The following SORCS3 variants were observed in gnomAD, a reference collection of about 807,000 sequenced individuals.
SORCS3 encodes sortilin related VPS10 domain containing receptor 3.
In SORCS3, 57 loss-of-function variants were observed where a neutral mutation model predicts 146.3. The observed-to-expected ratio is 0.39, with a 90% CI of 0.31 to 0.49. SORCS3 has a LOEUF of 0.49. Ranked by LOEUF, SORCS3 falls within the 20% of genes least tolerant of loss-of-function variation. SORCS3 has a pLI of 0.92. For synonymous variants in SORCS3, 653 were observed against 618.5 expected, an observed-to-expected ratio of 1.06 and a Z score of -0.83; for missense variants, 1,341 against 1,575.5, an observed-to-expected ratio of 0.85 and a Z score of 2.52.
intron 1 of SORCS3, among the ~76,000 whole-genome samples, chr10:104,752,611 G>C (rs1427562904): frequency 6.6e-6 from 1 of 152,178 alleles, no homozygotes; most frequent in Admixed American, 6.5e-5. Context: ...GACGATCTTA[G>C]GGATGTTAGG....
chr10:104,893,723 G>A (rs1041744530), intron 2 of SORCS3, among the ~76,000 whole-genome samples: 3 of 152,094 alleles, frequency 2.0e-5, no homozygotes, highest in South Asian at 2.1e-4. Flanking sequence ...TCTGCATGTC[G>A]CAAAGAATCT....
chr10:104,875,425 C>T (rs1212803784), intron 2 of SORCS3, among the ~76,000 whole-genome samples: 3 of 152,186 alleles, frequency 2.0e-5, no homozygotes, highest in African/African-American at 7.2e-5. Flanking sequence ...TCAATTTTCT[C>T]ATCTGCACAA....
intron 1 of SORCS3, among the ~76,000 whole-genome samples, chr10:104,739,741 T>G (rs2016818663): frequency 6.6e-6 from 1 of 152,224 alleles, no homozygotes. Context: ...GTGCTTTTAG[T>G]GGGGCAAGTG....
intron 3 of SORCS3, among the ~76,000 whole-genome samples, chr10:104,956,891 A>G (rs1354612302): frequency 6.6e-6 from 1 of 152,186 alleles, no homozygotes; most frequent in Non-Finnish European, 1.5e-5. Context: ...CACAGACACC[A>G]AAATGAATAC....
intron 6 of SORCS3, among the ~76,000 whole-genome samples, chr10:105,100,614 C>G (rs79469847): frequency 0.017 from 2,540 of 152,242 alleles, 39 homozygotes; most frequent in Non-Finnish European, 0.026. Context: ...TTTGTCCAGC[C>G]CATATACTTT....
intron 7 of SORCS3, among the ~76,000 whole-genome samples, chr10:105,117,948 C>T (rs1423671428): frequency 6.6e-6 from 1 of 152,186 alleles, no homozygotes; most frequent in South Asian, 2.1e-4. Context: ...CCCCTCTCAT[C>T]TCTCCATCTT....
At chr10:104,650,825 A>G (rs767277447) in intron 1 of SORCS3, among the ~76,000 whole-genome samples, 1 of 152,218 alleles carries the variant, frequency 6.6e-6, no homozygotes, top group African/African-American at 2.4e-5. Context: ...ACAGGCTCTC[A>G]GGTCCCACGT....
At chr10:104,746,415 C>T (rs923415272) in intron 1 of SORCS3, among the ~76,000 whole-genome samples, 8 of 152,182 alleles carry the variant, frequency 5.3e-5, no homozygotes, top group African/African-American at 1.4e-4. Flanking sequence ...GGATTACAGG[C>T]GTGAGCCACC....
At chr10:105,100,615 C>G (rs2055777324) in intron 6 of SORCS3, among the ~76,000 whole-genome samples, 1 of 152,156 alleles carries the variant, frequency 6.6e-6, no homozygotes, top group Admixed American at 6.5e-5. Context: ...TTGTCCAGCC[C>G]ATATACTTTC....
chr10:104,857,432 A>T (rs2018346794), intron 2 of SORCS3, among the ~76,000 whole-genome samples: 1 of 152,182 alleles, frequency 6.6e-6, no homozygotes, highest in Admixed American at 6.5e-5. Context: ...AATAGTTTGC[A>T]CAATGTTATG....
rs569896940 is a variant in SORCS3 at position 104,975,143 on chromosome 10, T to C, written c.796-2192T>C. 1.8e-4 allele frequency among the ~76,000 whole-genome samples: 28 copies of C among 152,280 alleles called. No individual in the cohort carries two copies. In the South Asian group the frequency reaches 5.6e-3, roughly 30 times the overall value. Reference sequence around the variant, plus strand: ...TTGTCCTTGTTTGCAGATGACATGATTGTATATCTAGAAAACCCCATTGTC... The same window carrying C: ...TTGTCCTTGTTTGCAGATGACATGACTGTATATCTAGAAAACCCCATTGTC... On this transcript the variant is annotated intron_variant, in intron 3 of 26. Transcript: ENST00000369701.
At chr10:104,753,380 C>A (rs1385248577) in intron 1 of SORCS3, among the ~76,000 whole-genome samples, 1 of 152,160 alleles carries the variant, frequency 6.6e-6, no homozygotes, top group Admixed American at 6.5e-5. Flanking sequence ...GATCTACATT[C>A]ATGTAGAATG....
chr10:104,669,574 C>T (rs1179489893), intron 1 of SORCS3, among the ~76,000 whole-genome samples: 2 of 152,188 alleles, frequency 1.3e-5, no homozygotes, highest in Admixed American at 1.3e-4. Flanking sequence ...AATGTCCTCC[C>T]TTTTTAAAGC....
intron 4 of SORCS3, among the ~76,000 whole-genome samples, chr10:105,041,410 A>AAATAT (rs1554871577): frequency 6.9e-6 from 1 of 144,344 alleles, no homozygotes; most frequent in Admixed American, 7.0e-5. Flanking sequence ...GATTAAAAAA[A>AAATAT]ATATATATAT....
chr10:104,726,605 C>T (rs555881086), intron 1 of SORCS3, among the ~76,000 whole-genome samples: 1 of 151,920 alleles, frequency 6.6e-6, no homozygotes, highest in Non-Finnish European at 1.5e-5. Context: ...CCGTTGGACA[C>T]CTCTTTATTC....
chr10:105,117,600 C>T (rs1240043634), intron 7 of SORCS3, among the ~76,000 whole-genome samples: 2 of 152,186 alleles, frequency 1.3e-5, no homozygotes, highest in African/African-American at 4.8e-5. Flanking sequence ...ACCATCCTGA[C>T]ATAACAAAAC....
At chr10:104,752,751 A>T (rs2017003365) in intron 1 of SORCS3, among the ~76,000 whole-genome samples, 1 of 152,238 alleles carries the variant, frequency 6.6e-6, no homozygotes, top group Non-Finnish European at 1.5e-5. Context: ...ACAAAAGATC[A>T]TAGAGCAGTC....
intron 1 of SORCS3, among the ~76,000 whole-genome samples, chr10:104,764,176 C>A (rs1239467158): frequency 1.3e-5 from 2 of 152,148 alleles, no homozygotes; most frequent in African/African-American, 4.8e-5. Context: ...ATTCTTATTA[C>A]ATTCAGAGCA....
intron 4 of SORCS3, among the ~76,000 whole-genome samples, chr10:104,990,492 T>C (rs2054986809): frequency 6.6e-6 from 1 of 152,128 alleles, no homozygotes. Context: ...GGAAGATTTG[T>C]GAGGTCAAGG....
Sources: allele counts gnomAD v4.1 joint callset (sites outside exome capture counted in the v4.1 genomes callset), GRCh38; gene constraint gnomAD v4.1.1; transcripts MANE v1.5; gene names NCBI Gene and HGNC (gene_info 2026-07-23, HGNC 2026-07-21).